Variants in EBF3 observed in about 807,000 individuals in gnomAD.
EBF3 encodes EBF transcription factor 3, also known as transcription factor COE3.
Under a neutral mutation model 77.1 loss-of-function variants are expected in EBF3, and 18 were observed. The ratio of observed to expected loss-of-function variants is 0.23; its 90% CI spans 0.16 to 0.35. EBF3 has a LOEUF of 0.35. Ranked by LOEUF, EBF3 falls within the 10% of genes least tolerant of loss-of-function variation. The pLI is 1.00. For missense variants in EBF3, 558 were observed against 860.0 expected (o/e 0.65, Z 4.39); for synonymous variants, 350 against 343.5 (o/e 1.02, Z -0.21).
rs964554279 is a variant in EBF3 at position 129,955,896 on chromosome 10, C to A, written c.554+1362G>T. Among the ~76,000 whole-genome samples the A allele has an allele frequency of 1.6e-4, 24 of 152,192 alleles. 1 individual carries two copies. The highest frequency in any genetic ancestry group is 8.8e-5 in the Non-Finnish European group (6 of 68,038). On this transcript the variant is annotated intron_variant, in intron 6 of 16. Transcript: ENST00000440978. Reference sequence around the variant, plus strand: ...CTCCAATAGTTCAAACACTTCTAGCCAATCAAGAAAATAAAATAAATTCAG... The same window carrying A: ...CTCCAATAGTTCAAACACTTCTAGCAAATCAAGAAAATAAAATAAATTCAG...
chr10:129,958,923 C>CCGCCGCT lies in EBF3; in HGVS notation c.485+4_485+10dup, dbSNP rs1859257715. ...AGCCCGCGCCCCCGCCGCCCGCCGC[C>CCGCCGCT]CGCCGCTCACCTGCACATGATCTCG... On this transcript the variant is annotated intron_variant, in intron 5 of 16. Transcript: ENST00000440978. 1.9e-6 allele frequency: 3 copies of CCGCCGCT among 1,585,812 alleles called. No homozygotes were observed. The highest frequency in any genetic ancestry group is 2.4e-5 in the East Asian group (1 of 41,192).
chr10:129,890,869 A>T (rs2134195576), intron 6 of EBF3, among the ~76,000 whole-genome samples: 1 of 152,260 alleles, frequency 6.6e-6, no homozygotes, highest in Non-Finnish European at 1.5e-5. Flanking sequence ...TCACCAGAGA[A>T]CTCTCAATTT....
At chr10:129,840,213 A>T in intron 15 of EBF3, 32 bp downstream of exon 15, 1 of 1,320,354 alleles carries the variant, frequency 7.6e-7, no homozygotes, top group Non-Finnish European at 1.0e-6. Context: ...GAGAGGACCC[A>T]GCACTGGCCC....
At chr10:129,838,940 G>C in intron 16 of EBF3, 143 bp downstream of exon 16, 2 of 716,920 alleles carry the variant, frequency 2.8e-6, no homozygotes, top group Non-Finnish European at 4.0e-6. Context: ...CAGGGCCGCG[G>C]CACCTCACCA....
intron 5 of EBF3, 77 bp from the exon 6 acceptor site, chr10:129,957,403 T>C: frequency 8.7e-7 from 1 of 1,148,228 alleles, no homozygotes; most frequent in Non-Finnish European, 1.2e-6. Context: ...TTTTTTTTTC[T>C]GACGTCTGAC....
intron 11 of EBF3, chr10:129,845,250 C>T (rs1235157755): frequency 2.0e-5 from 3 of 152,210 alleles, no homozygotes; most frequent in African/African-American, 7.2e-5. Context: ...CGAGCTTATG[C>T]ATACTGCCTC....
At position 129,963,221 on chromosome 10, in the gene EBF3, T is replaced by G. The variant is rs746459748; in HGVS notation, c.291+146A>C. On this transcript the variant is annotated intron_variant, in intron 2 of 16. Transcript: ENST00000440978. The surrounding 1 kb of genome is among the most constrained non-coding windows in gnomAD (Gnocchi z 7.1). ...AGAGAAGTTGCCCAGCCCTCGGCGG[T>G]CCCGGGCGGCCGCACGTGGCGGCGG... The G allele has an allele frequency of 4.6e-4, 573 of 1,255,580 alleles. No homozygotes were observed. Among genetic ancestry groups the G allele is most frequent in the Non-Finnish European group, 5.8e-4 (554 of 954,832 alleles). The allele number at this position is 1,255,580 out of a possible 1,614,324, so 77.8% of individuals were successfully genotyped here. A position where few individuals can be genotyped will look rare whatever the true frequency, so the allele number is the denominator to read the frequency against.
rs1853482468 is a variant in EBF3 at position 129,885,145 on chromosome 10, G to A, written c.555-7296C>T. On this transcript the variant is annotated intron_variant, in intron 6 of 16. Transcript: ENST00000440978. The surrounding 1 kb of genome is among the most constrained non-coding windows in gnomAD (Gnocchi z 4.0). ...ACAATTTCAGCAGCGGCTGTCAAGA[G>A]GCACTTATAGATACCATGATCTTGT... Among the ~76,000 whole-genome samples, 1 of 152,174 alleles carries A rather than the reference G, an allele frequency of 6.6e-6. No individual in the cohort carries two copies.
At chr10:129,914,940 G>A (rs1855773546) in intron 6 of EBF3, among the ~76,000 whole-genome samples, 1 of 152,196 alleles carries the variant, frequency 6.6e-6, no homozygotes, top group Non-Finnish European at 1.5e-5. Flanking sequence ...TGAGGGGCAG[G>A]GACTGTATCT....
rs1015120609 is a variant in EBF3, at chr10:129,947,586, A to G, written c.554+9672T>C. Among the ~76,000 whole-genome samples, 5 of 152,242 alleles carry G rather than the reference A, an allele frequency of 3.3e-5. No individual in the cohort carries two copies. Among genetic ancestry groups the G allele is most frequent in the African/African-American group, 1.2e-4 (5 of 41,462 alleles). ...CCAAAATAGTATTATTGAGGAAATA[A>G]ACCCCTTATAATAAGTGAAATTGAG... On this transcript the variant is annotated intron_variant, in intron 6 of 16. Coordinates refer to ENST00000440978, the MANE Select transcript of EBF3 (RefSeq NM_001375380.1). The surrounding 1 kb of genome is among the most constrained non-coding windows in gnomAD (Gnocchi z 4.5).
At chr10:129,942,875 T>C (rs561519163) in intron 6 of EBF3, among the ~76,000 whole-genome samples, 2 of 152,206 alleles carry the variant, frequency 1.3e-5, no homozygotes, top group African/African-American at 4.8e-5. Flanking sequence ...AAATTTTCTG[T>C]GCAGAACGCT....
At chr10:129,867,092 G>C in intron 10 of EBF3, 49 bp downstream of exon 10, 2 of 1,589,240 alleles carry the variant, frequency 1.3e-6, no homozygotes, top group South Asian at 2.3e-5. Flanking sequence ...CTCCTGGTGG[G>C]GAGGAGGCCT....
At position 129,921,002 on chromosome 10, in the gene EBF3, G is replaced by A. The variant is rs7081129; in HGVS notation, c.554+36256C>T. Among the ~76,000 whole-genome samples the A allele has an allele frequency of 4.5e-3, 689 of 152,222 alleles. 4 individuals carry two copies. The highest frequency in any genetic ancestry group is 0.016 in the African/African-American group (657 of 41,524). Reference sequence around the variant, plus strand: ...GGTGCCCTCGGTGGTCTGGGGACAGGGAGGGGTAGCCTGGAAGAAGCTGCC... The same window carrying A: ...GGTGCCCTCGGTGGTCTGGGGACAGAGAGGGGTAGCCTGGAAGAAGCTGCC... On this transcript the variant is annotated intron_variant, in intron 6 of 16. Coordinates refer to ENST00000440978, the MANE Select transcript of EBF3 (RefSeq NM_001375380.1).
At chr10:129,950,444 AAG>A (rs1177744720) in intron 6 of EBF3, among the ~76,000 whole-genome samples, 2 of 152,220 alleles carry the variant, frequency 1.3e-5, no homozygotes, top group African/African-American at 4.8e-5. Flanking sequence ...CAACTAAAAT[AAG>A]AGTTTCCCTA....
intron 6 of EBF3, among the ~76,000 whole-genome samples, chr10:129,932,895 C>CTTTTTT (rs35568967): frequency 7.9e-6 from 1 of 126,422 alleles, no homozygotes; most frequent in African/African-American, 3.0e-5. Flanking sequence ...CTTTTTTTTC[C>CTTTTTT]TTTTTTTTTT....
At chr10:129,855,722 T>TA (rs1424294171) in intron 10 of EBF3, among the ~76,000 whole-genome samples, 2 of 152,222 alleles carry the variant, frequency 1.3e-5, no homozygotes, top group Non-Finnish European at 2.9e-5. Flanking sequence ...CTCAACATGA[T>TA]AAAAAGATGT....
intron 6 of EBF3, among the ~76,000 whole-genome samples, chr10:129,934,676 T>C (rs1198436991): frequency 6.6e-6 from 1 of 152,082 alleles, no homozygotes. Flanking sequence ...CCTCACAAGC[T>C]CCTGCTCCAG....
At chr10:129,865,350 G>C (rs529337353) in intron 10 of EBF3, among the ~76,000 whole-genome samples, 4 of 152,194 alleles carry the variant, frequency 2.6e-5, no homozygotes, top group Non-Finnish European at 4.4e-5. Context: ...ATTGTGACAT[G>C]TCTTTATTTT....
Position 129,848,853 on chromosome 10 carries a change from A to G in EBF3, c.1040-373T>C, listed in dbSNP as rs1850654991. Among the ~76,000 whole-genome samples, 1 of 152,232 alleles carries G rather than the reference A, an allele frequency of 6.6e-6. No homozygotes were observed. Among genetic ancestry groups the G allele is most frequent in the South Asian group, 2.1e-4 (1 of 4,832 alleles). ...GCCAGGGATTTATGGGAAACTGGCA[A>G]TTATGACATATGTCCAGCTATTGCT... On this transcript the variant is annotated intron_variant, in intron 10 of 16. Coordinates refer to ENST00000440978, the MANE Select transcript of EBF3 (RefSeq NM_001375380.1). This position sits in a 1 kb window ranked among gnomAD's most constrained non-coding sequence, Gnocchi z 4.4.
Sources: allele counts gnomAD v4.1 joint callset (sites outside exome capture counted in the v4.1 genomes callset), GRCh38; gene constraint gnomAD v4.1.1; non-coding constraint Gnocchi (gnomAD v3.1); transcripts MANE v1.5; gene names NCBI Gene and HGNC (gene_info 2026-07-23, HGNC 2026-07-21).